The following FOXP2 variants were observed in gnomAD, a reference collection of about 807,000 sequenced individuals.
FOXP2 encodes forkhead box protein P2.
FOXP2 carries 12 observed loss-of-function variants against 115.8 expected under a neutral mutation model. The observed-to-expected ratio is 0.10, with a 90% CI of 0.07 to 0.17. FOXP2 has a LOEUF of 0.17. Ranked by LOEUF, FOXP2 falls within the 10% of genes least tolerant of loss-of-function variation. FOXP2 has a pLI of 1.00. For synonymous variants in FOXP2, 328 were observed against 297.7 expected (o/e 1.10, Z -1.05); for missense variants, 629 against 843.5 (o/e 0.75, Z 3.15).
At chr7:114,097,545 G>A (rs191515179) in intron 1 of FOXP2, among the ~76,000 whole-genome samples, 56 of 152,216 alleles carry the variant, frequency 3.7e-4, no homozygotes, top group African/African-American at 1.1e-3. Context: ...TTTTTATATA[G>A]CCTTAAGTTA....
At chr7:114,487,151 CG>C (rs959197810) in intron 2 of FOXP2, among the ~76,000 whole-genome samples, 1 of 152,204 alleles carries the variant, frequency 6.6e-6, no homozygotes, top group Non-Finnish European at 1.5e-5. Flanking sequence ...CAGAAATTTG[CG>C]TACATCCTCT....
intron 1 of FOXP2, among the ~76,000 whole-genome samples, chr7:114,249,155 G>A (rs186673577): frequency 6.6e-6 from 1 of 152,176 alleles, no homozygotes; most frequent in East Asian, 1.9e-4. Context: ...GCCTAGTTTG[G>A]GGAAGAGTAT....
At chr7:114,271,214 C>G (rs1263602476) in intron 1 of FOXP2, among the ~76,000 whole-genome samples, 1 of 151,708 alleles carries the variant, frequency 6.6e-6, no homozygotes, top group Non-Finnish European at 1.5e-5. Context: ...CCAATCATGT[C>G]TTCTGCAAAC....
chr7:114,690,958 GA>G lies in FOXP2; in HGVS notation c.*1033del, dbSNP rs1808637492. The G allele has an allele frequency of 2.2e-6, 1 of 454,364 alleles. No individual in the cohort carries two copies. Among genetic ancestry groups the G allele is most frequent in the African/African-American group, 2.0e-5 (1 of 50,002 alleles). The allele number at this position is 454,364 out of a possible 1,614,324, so 28.1% of individuals were successfully genotyped here. On this transcript the variant is annotated 3_prime_UTR_variant, in exon 17 of 17. Transcript: ENST00000350908. ...ACTAAAAAATGTTAATTCAGTCACA[GA>G]GTAATCTTCTGAGGCCAAAAGTCCA...
chr7:114,481,723 T>C (rs1796546542), intron 2 of FOXP2, among the ~76,000 whole-genome samples: 1 of 151,266 alleles, frequency 6.6e-6, no homozygotes, highest in Non-Finnish European at 1.5e-5. Context: ...CAAGTAAATG[T>C]TACTATTACT....
rs114910245 is a variant in FOXP2, at chr7:114,309,564, A to G, written c.-11+21455A>G. Among the ~76,000 whole-genome samples, 716 of 152,234 alleles carry G rather than the reference A, an allele frequency of 4.7e-3. 9 individuals carry two copies. Among genetic ancestry groups the G allele is most frequent in the African/African-American group, 0.016 (675 of 41,532 alleles). On this transcript the variant is annotated intron_variant, in intron 2 of 17. Coordinates refer to the FOXP2 transcript ENST00000634411. ...TTGATCAGCATCTTAATTCTAATTG[A>G]TCTCGTCAGAGAACAGGCTTTAGGC... is the stretch of plus-strand genomic sequence containing the variant.
At chr7:114,679,180 G>T (rs1807942057) in intron 16 of FOXP2, among the ~76,000 whole-genome samples, 1 of 151,808 alleles carries the variant, frequency 6.6e-6, no homozygotes, top group Non-Finnish European at 1.5e-5. Context: ...AGCCAGGCTG[G>T]TCTCGAATTC....
intron 1 of FOXP2, among the ~76,000 whole-genome samples, chr7:114,189,266 T>G (rs766925337): frequency 2.2e-4 from 34 of 152,200 alleles, no homozygotes; most frequent in Non-Finnish European, 2.6e-4. Flanking sequence ...TTTTAAAAAT[T>G]TATGATGTGT....
chr7:114,384,594 G>A (rs1048295327), intron 2 of FOXP2, among the ~76,000 whole-genome samples: 6 of 152,164 alleles, frequency 3.9e-5, no homozygotes, highest in Admixed American at 2.6e-4. Flanking sequence ...AGGTCTGGTC[G>A]GACCTTTGTG....
intron 2 of FOXP2, among the ~76,000 whole-genome samples, chr7:114,344,415 T>C (rs2129184768): frequency 6.6e-6 from 1 of 151,932 alleles, no homozygotes; most frequent in Admixed American, 6.6e-5. Context: ...CGATTCCCCA[T>C]TGTATGCCAA....
At chr7:114,631,449 G>GT in intron 5 of FOXP2, 79 bp from the exon 6 acceptor site, 1 of 1,546,070 alleles carries the variant, frequency 6.5e-7, no homozygotes, top group South Asian at 1.2e-5. Context: ...AATGAAAGGA[G>GT]TGTGCATTTC....
chr7:114,097,817 G>A (rs537008241), intron 1 of FOXP2, among the ~76,000 whole-genome samples: 1 of 152,238 alleles, frequency 6.6e-6, no homozygotes, highest in South Asian at 2.1e-4. Context: ...TACAGAAGAA[G>A]CTCATTATCA....
chr7:114,636,704 A>G (rs1171730936), intron 6 of FOXP2, among the ~76,000 whole-genome samples: 2 of 151,474 alleles, frequency 1.3e-5, no homozygotes, highest in African/African-American at 4.9e-5. Flanking sequence ...TATTTTAGTG[A>G]TAAGTAAAAA....
intron 1 of FOXP2, among the ~76,000 whole-genome samples, chr7:114,227,683 C>A (rs564637999): frequency 2.6e-5 from 4 of 151,662 alleles, no homozygotes; most frequent in Admixed American, 1.3e-4. Context: ...ATTTTCTACC[C>A]TATTTCAAAA....
At chr7:114,435,727 CGG>C (rs2129209495) in intron 2 of FOXP2, among the ~76,000 whole-genome samples, 1 of 152,132 alleles carries the variant, frequency 6.6e-6, no homozygotes, top group South Asian at 2.1e-4. Flanking sequence ...TTAGTAGAGA[CGG>C]GGTTTCACCA....
intron 3 of FOXP2, among the ~76,000 whole-genome samples, chr7:114,588,352 A>G (rs955576653): frequency 2.5e-4 from 38 of 151,976 alleles, no homozygotes; most frequent in African/African-American, 8.9e-4. Flanking sequence ...AAACAAAAAA[A>G]CTTTAAAGGA....
At chr7:114,616,544 A>C (rs576708331) in intron 3 of FOXP2, among the ~76,000 whole-genome samples, 2 of 152,208 alleles carry the variant, frequency 1.3e-5, no homozygotes, top group East Asian at 3.9e-4. Flanking sequence ...CTGATTTACC[A>C]TTATCACCTT....
intron 1 of FOXP2, among the ~76,000 whole-genome samples, chr7:114,180,924 A>T (rs1021464612): frequency 6.6e-6 from 1 of 151,962 alleles, no homozygotes; most frequent in Admixed American, 6.6e-5. Flanking sequence ...TTTTTAAAAA[A>T]AAATGAGTAA....
intron 2 of FOXP2, among the ~76,000 whole-genome samples, chr7:114,404,077 GCT>G (rs1792958107): frequency 3.9e-5 from 6 of 152,076 alleles, no homozygotes; most frequent in Non-Finnish European, 8.8e-5. Flanking sequence ...TTTATGAATG[GCT>G]TACCATTCAT....
Sources: allele counts gnomAD v4.1 joint callset (sites outside exome capture counted in the v4.1 genomes callset), GRCh38; gene constraint gnomAD v4.1.1; transcripts MANE v1.5; gene names NCBI Gene and HGNC (gene_info 2026-07-23, HGNC 2026-07-21).